The following NBAS variants were observed in gnomAD, a reference collection of about 807,000 sequenced individuals.
The protein encoded by NBAS is NAG/BC035112 fusion.
A neutral mutation model predicts 302.5 loss-of-function variants in NBAS; 219 were observed. The observed-to-expected ratio is 0.72, with a 90% confidence interval of 0.65 to 0.81. NBAS has a LOEUF of 0.81. Ranked by LOEUF, NBAS falls within the 30% of genes least tolerant of loss-of-function variation. The probability of loss-of-function intolerance (pLI) is 0.00; values close to 1 mark genes in which losing one functional copy is unlikely to be tolerated. For missense variants in NBAS, 2,932 were observed against 2,841.6 expected (o/e 1.03, Z -0.72); for synonymous variants, 1,118 against 1,021.6 (o/e 1.09, Z -1.80).
At chr2:15,013,749 A>C in the NBAS span, among the ~76,000 whole-genome samples, 1 of 152,206 alleles carries the variant, frequency 6.6e-6, no homozygotes, top group Admixed American at 6.5e-5. Flanking sequence ...ACACCACTGC[A>C]CACCCTGCCT....
intron 11 of NBAS, among the ~76,000 whole-genome samples, chr2:15,501,762 G>C (rs1367708988): frequency 6.6e-6 from 1 of 151,112 alleles, no homozygotes; most frequent in African/African-American, 2.4e-5. Flanking sequence ...TAGTAGTTAA[G>C]AGGAACTTTT....
chr2:15,072,092 T>C, the NBAS span, among the ~76,000 whole-genome samples: 1 of 152,250 alleles, frequency 6.6e-6, no homozygotes, highest in African/African-American at 2.4e-5. Context: ...TTATCTATTT[T>C]AAGGCTCTGG....
At position 15,475,906 on chromosome 2, in the gene NBAS, C is replaced by T. The variant is rs1990756; in HGVS notation, c.1148-26G>A. 1,000,209 of 1,562,708 alleles carry T rather than the reference C, an allele frequency of 0.64. 327,020 individuals are homozygous for T. The highest frequency in any genetic ancestry group is 0.68 in the Non-Finnish European group (767,921 of 1,136,514). On this transcript the variant is annotated intron_variant, in intron 13 of 51. Transcript: ENST00000281513. ...CTAAGAAGCGAAAAACAAATCAATA[C>T]AAATGCATCTGCTAATGTGGTTTAA...
At chr2:15,463,218 G>C (rs1181887283) in intron 19 of NBAS, among the ~76,000 whole-genome samples, 3 of 152,122 alleles carry the variant, frequency 2.0e-5, no homozygotes, top group African/African-American at 4.8e-5. Context: ...AGAGTGCAGT[G>C]AGCTATCACT....
chr2:15,059,921 A>G, the NBAS span, among the ~76,000 whole-genome samples: 1 of 144,770 alleles, frequency 6.9e-6, no homozygotes, highest in Non-Finnish European at 1.5e-5. Flanking sequence ...TGAACTAATG[A>G]TGGTAGGGAA....
chr2:15,036,720 C>T, the NBAS span, among the ~76,000 whole-genome samples: 145 of 152,262 alleles, frequency 9.5e-4, no homozygotes, highest in African/African-American at 3.3e-3. Context: ...TCTCCCCCAG[C>T]GCACATTTGG....
chr2:14,872,788 C>T, the NBAS span, among the ~76,000 whole-genome samples: 13 of 151,730 alleles, frequency 8.6e-5, no homozygotes, highest in East Asian at 2.5e-3. Context: ...TCCTCCCAGT[C>T]GGTTGGCAGT....
chr2:15,137,510 T>C, the NBAS span, among the ~76,000 whole-genome samples: 1 of 152,094 alleles, frequency 6.6e-6, no homozygotes, highest in East Asian at 1.9e-4. Flanking sequence ...TTAGAACATA[T>C]AGCTCTGACT....
the NBAS span, among the ~76,000 whole-genome samples, chr2:15,091,154 T>C: frequency 6.6e-6 from 1 of 152,168 alleles, no homozygotes; most frequent in African/African-American, 2.4e-5. Context: ...AGGCTGTCTG[T>C]CGGTTAATAC....
rs1044162804 is a variant in NBAS at position 15,367,479 on chromosome 2, T to A, written c.3704-786A>T. ...TGTCTCAGGCACTGTTGGAGGTGCT[T>A]TATGTATATTAACCCTACACAGCAA... On this transcript the variant is annotated intron_variant, in intron 31 of 51. Transcript: ENST00000281513. Among the ~76,000 whole-genome samples, 6 of 152,260 alleles carry A rather than the reference T, an allele frequency of 3.9e-5. No individual in the cohort carries two copies. In the East Asian group the frequency reaches 1.2e-3, roughly 29 times the overall value.
At chr2:15,173,933 G>A (rs187487799) in intron 51 of NBAS, among the ~76,000 whole-genome samples, 6 of 152,230 alleles carry the variant, frequency 3.9e-5, no homozygotes, top group East Asian at 1.9e-4. Flanking sequence ...CTTTACAAGC[G>A]TCTTACCTAT....
At chr2:15,215,470 C>G (rs536988093) in intron 48 of NBAS, among the ~76,000 whole-genome samples, 1 of 152,284 alleles carries the variant, frequency 6.6e-6, no homozygotes, top group East Asian at 1.9e-4. Flanking sequence ...GGTTGGCAGC[C>G]ACAGTGAAAG....
intron 38 of NBAS, among the ~76,000 whole-genome samples, chr2:15,326,988 C>G (rs143361460): frequency 1.3e-5 from 2 of 152,082 alleles, no homozygotes; most frequent in Non-Finnish European, 2.9e-5. Context: ...TACATAGGAA[C>G]GTGCTCAGTT....
At chr2:14,902,771 G>A in the NBAS span, among the ~76,000 whole-genome samples, 1 of 152,180 alleles carries the variant, frequency 6.6e-6, no homozygotes, top group African/African-American at 2.4e-5. Flanking sequence ...AATTCAGACT[G>A]GAATTGGTAG....
chr2:15,558,694 T>C (rs1037493648), intron 1 of NBAS, 60 bp from the exon 2 acceptor site: 3 of 1,235,272 alleles, frequency 2.4e-6, no homozygotes, highest in Non-Finnish European at 3.5e-6. Context: ...AGACCAGTAT[T>C]ACTTATACAA....
the NBAS span, among the ~76,000 whole-genome samples, chr2:14,953,104 G>A: frequency 2.0e-5 from 3 of 152,232 alleles, no homozygotes; most frequent in Non-Finnish European, 4.4e-5. Flanking sequence ...GAGGGAGTGC[G>A]ACTCAGTCAG....
chr2:14,942,557 G>A, the NBAS span, among the ~76,000 whole-genome samples: 1 of 152,146 alleles, frequency 6.6e-6, no homozygotes, highest in Non-Finnish European at 1.5e-5. Flanking sequence ...TACAGCCTGT[G>A]GAACCATGAG....
the NBAS span, among the ~76,000 whole-genome samples, chr2:15,058,090 T>G: frequency 2.6e-5 from 4 of 152,188 alleles, no homozygotes; most frequent in African/African-American, 9.6e-5. Context: ...ATCCCACTAC[T>G]GGGTATCTTC....
intron 32 of NBAS, among the ~76,000 whole-genome samples, chr2:15,362,382 C>A (rs1673977477): frequency 6.6e-6 from 1 of 151,466 alleles, no homozygotes; most frequent in African/African-American, 2.4e-5. Flanking sequence ...GTGGTACATG[C>A]CTGTAGTCCC....
Sources: gnomAD v4.1 joint callset for allele counts (sites outside exome capture counted in the v4.1 genomes callset) on GRCh38, gnomAD v4.1.1 for gene constraint, MANE v1.5 for transcripts, NCBI Gene and HGNC (gene_info 2026-07-23, HGNC 2026-07-21) for gene names.